MIPOL1: variants seen among roughly 807,000 people sequenced by gnomAD.
MIPOL1 encodes the protein mirror-image polydactyly gene 1 protein.
Under a neutral mutation model 60.9 loss-of-function variants are expected in MIPOL1, and 57 were observed. That is an observed-to-expected ratio of 0.94 (90% CI 0.76 to 1.17). The LOEUF (loss-of-function observed/expected upper bound fraction) is 1.17, where lower values mean the gene tolerates loss of function less well. Among genes scored for constraint, MIPOL1 ranks in the 50% most tolerant of loss-of-function variants. MIPOL1 has a pLI of 0.00. For synonymous variants in MIPOL1, 179 were observed against 168.8 expected (o/e 1.06, Z -0.47); for missense variants, 551 against 511.6 (o/e 1.08, Z -0.74).
chr14:37,523,733 C>G (rs1020680169), intron 12 of MIPOL1, among the ~76,000 whole-genome samples: 9 of 152,104 alleles, frequency 5.9e-5, no homozygotes, highest in Non-Finnish European at 1.2e-4. Flanking sequence ...CCTCACTGTA[C>G]CTTGACCTCG....
chr14:37,241,629 A>G (rs1168854024), intron 1 of MIPOL1, among the ~76,000 whole-genome samples: 3 of 152,094 alleles, frequency 2.0e-5, no homozygotes, highest in East Asian at 1.9e-4. Flanking sequence ...TTGACCTTCA[A>G]TGATGGGATG....
chr14:37,480,544 A>G (rs2094847099), intron 11 of MIPOL1, among the ~76,000 whole-genome samples: 1 of 152,034 alleles, frequency 6.6e-6, no homozygotes, highest in Non-Finnish European at 1.5e-5. Context: ...AACTCGGTAT[A>G]GAAAGAATGT....
At chr14:37,378,359 G>A (rs1378766518) in intron 10 of MIPOL1, among the ~76,000 whole-genome samples, 1 of 151,910 alleles carries the variant, frequency 6.6e-6, no homozygotes, top group Non-Finnish European at 1.5e-5. Context: ...ACAACCTATT[G>A]ATACACCCAT....
At chr14:37,491,108 G>A (rs2095041558) in intron 11 of MIPOL1, among the ~76,000 whole-genome samples, 2 of 152,112 alleles carry the variant, frequency 1.3e-5, no homozygotes, top group East Asian at 3.9e-4. Flanking sequence ...AATATAAGTG[G>A]CTTTGTGAGT....
downstream of MIPOL1, chr14:37,552,360 G>C (rs1222308011): frequency 6.6e-6 from 1 of 152,032 alleles, no homozygotes; most frequent in African/African-American, 2.4e-5. Flanking sequence ...TATTTACTGT[G>C]ATATTTACTC....
At chr14:37,340,010 A>T (rs2090450986) in intron 9 of MIPOL1, among the ~76,000 whole-genome samples, 1 of 152,200 alleles carries the variant, frequency 6.6e-6, no homozygotes, top group Non-Finnish European at 1.5e-5. Flanking sequence ...CCCCTATAAA[A>T]TAATAATTTG....
At chr14:37,350,716 C>T (rs187678564) in intron 9 of MIPOL1, among the ~76,000 whole-genome samples, 119 of 152,196 alleles carry the variant, frequency 7.8e-4, no homozygotes, top group African/African-American at 2.8e-3. Context: ...ATCCCACTTC[C>T]CTCCAGCCCT....
intron 9 of MIPOL1, among the ~76,000 whole-genome samples, chr14:37,312,721 T>C (rs7157931): frequency 1.4e-4 from 22 of 152,002 alleles, no homozygotes; most frequent in Admixed American, 1.4e-3. Flanking sequence ...GTCTTTCATA[T>C]AATTAATTTA....
intron 1 of MIPOL1, among the ~76,000 whole-genome samples, chr14:37,226,330 A>G (rs1969728599): frequency 6.6e-6 from 1 of 152,202 alleles, no homozygotes; most frequent in South Asian, 2.1e-4. Context: ...AATTTACAAA[A>G]GAAAGAGGTT....
intron 3 of MIPOL1, among the ~76,000 whole-genome samples, chr14:37,253,675 G>T (rs1330056802): frequency 6.6e-6 from 1 of 151,646 alleles, no homozygotes; most frequent in East Asian, 1.9e-4. Context: ...AACAGTATTT[G>T]AAATGATTGT....
intron 11 of MIPOL1, among the ~76,000 whole-genome samples, chr14:37,442,589 A>AT: frequency 6.6e-6 from 1 of 151,990 alleles, no homozygotes; most frequent in Non-Finnish European, 1.5e-5. Context: ...GGGATGTTGA[A>AT]TTTTATCAAG....
chr14:37,295,221 G>C (rs552574953), intron 7 of MIPOL1, among the ~76,000 whole-genome samples: 1 of 152,242 alleles, frequency 6.6e-6, no homozygotes, highest in African/African-American at 2.4e-5. Context: ...ATAAGTGAAG[G>C]AGAAATAAAA....
At chr14:37,298,612 A>G (rs1299463398) in intron 7 of MIPOL1, among the ~76,000 whole-genome samples, 1 of 152,214 alleles carries the variant, frequency 6.6e-6, no homozygotes, top group Non-Finnish European at 1.5e-5. Context: ...CAAGAAAAAA[A>G]CAACCCCATC....
At chr14:37,338,440 G>A (rs1465475133) in intron 9 of MIPOL1, among the ~76,000 whole-genome samples, 2 of 150,338 alleles carry the variant, frequency 1.3e-5, no homozygotes, top group African/African-American at 2.5e-5. Flanking sequence ...ACAGAATCTC[G>A]CACTGTCATC....
At chr14:37,271,797 C>T (rs999968705) in intron 6 of MIPOL1, among the ~76,000 whole-genome samples, 3 of 151,568 alleles carry the variant, frequency 2.0e-5, no homozygotes, top group Admixed American at 6.6e-5. Flanking sequence ...AATTTTGATG[C>T]ATTTGCATAA....
chr14:37,446,743 C>T (rs1166672383), intron 11 of MIPOL1, among the ~76,000 whole-genome samples: 7 of 152,062 alleles, frequency 4.6e-5, no homozygotes, highest in Non-Finnish European at 1.5e-5. Context: ...ACTATGCAGC[C>T]ATAAAAAATG....
At chr14:37,458,891 A>G (rs2094507870) in intron 11 of MIPOL1, among the ~76,000 whole-genome samples, 1 of 151,778 alleles carries the variant, frequency 6.6e-6, no homozygotes, top group South Asian at 2.1e-4. Context: ...ATAAATAGAA[A>G]ATAAACAGTT....
rs1182125966 is a variant in MIPOL1, at chr14:37,524,567, TTTC to T, written c.1263-22335_1263-22333del. Among the ~76,000 whole-genome samples, 136 of 134,778 alleles carry T rather than the reference TTTC, an allele frequency of 1.0e-3. 5 individuals are homozygous for T. The highest frequency in any genetic ancestry group is 3.4e-3 in the African/African-American group (123 of 35,798). The allele number at this position is 134,778 out of a possible 152,430, so 88.4% of individuals were successfully genotyped here. A position where few individuals can be genotyped will look rare whatever the true frequency, so the allele number is the denominator to read the frequency against. Reference sequence around the variant, plus strand: ...TTGACATCTTAATTTTTCTTTTTCTTTTCTTTTTTTTTTTTTTTGAGATGGAGT... The same window carrying T: ...TTGACATCTTAATTTTTCTTTTTCTTTTTTTTTTTTTTTTTGAGATGGAGT... On this transcript the variant is annotated intron_variant, in intron 12 of 12. Transcript: ENST00000684589.
chr14:37,510,648 C>A (rs2095320972), intron 12 of MIPOL1, among the ~76,000 whole-genome samples: 1 of 152,138 alleles, frequency 6.6e-6, no homozygotes, highest in Non-Finnish European at 1.5e-5. Context: ...TCTAAAAACT[C>A]ATGCAGATAC....
Sources: gnomAD v4.1 joint callset for allele counts (sites outside exome capture counted in the v4.1 genomes callset) on GRCh38, gnomAD v4.1.1 for gene constraint, MANE v1.5 for transcripts, NCBI Gene and HGNC (gene_info 2026-07-23, HGNC 2026-07-21) for gene names.